AFG2A: variants seen among roughly 807,000 people sequenced by gnomAD.
AFG2A encodes AAA ATPase AFG2A, also known as ATPase family gene 2 protein homolog A.
the AFG2A span, among the ~76,000 whole-genome samples, chr4:123,283,400 G>A: frequency 6.6e-6 from 1 of 151,442 alleles, no homozygotes; most frequent in African/African-American, 2.4e-5. Flanking sequence ...TTTCTTATAG[G>A]GTTAGGGAGA....
chr4:123,317,239 A>AC, the AFG2A span: 2 of 152,036 alleles, frequency 1.3e-5, no homozygotes, highest in South Asian at 4.2e-4. Context: ...AAAAAAAAAA[A>AC]AAAACCTCTG....
chr4:123,142,262 A>G, the AFG2A span, among the ~76,000 whole-genome samples: 1 of 152,188 alleles, frequency 6.6e-6, no homozygotes, highest in Non-Finnish European at 1.5e-5. Flanking sequence ...GAATGTATGT[A>G]TGCATGCATG....
the AFG2A span, among the ~76,000 whole-genome samples, chr4:123,051,640 C>CT: frequency 0.79 from 75,559 of 96,056 alleles, 31,119 homozygotes; most frequent in East Asian, 0.91. Flanking sequence ...ATTTCCTCAG[C>CT]TTTTTTTTTT....
At chr4:123,028,257 A>G in the AFG2A span, 1 of 1,614,160 alleles carries the variant, frequency 6.2e-7, no homozygotes, top group African/African-American at 1.3e-5. Flanking sequence ...AATGGCCCTT[A>G]AAACATCCAG....
chr4:122,991,187 T>C, the AFG2A span, among the ~76,000 whole-genome samples: 19 of 152,208 alleles, frequency 1.2e-4, no homozygotes, highest in Non-Finnish European at 2.8e-4. Context: ...TGTACTCCTA[T>C]GATAAAAGAA....
the AFG2A span, among the ~76,000 whole-genome samples, chr4:123,288,427 G>A: frequency 4.6e-5 from 7 of 152,118 alleles, no homozygotes; most frequent in Admixed American, 4.6e-4. Flanking sequence ...TATTGAAACA[G>A]GAAAGAAAGT....
the AFG2A span, among the ~76,000 whole-genome samples, chr4:123,003,597 G>A: frequency 6.6e-6 from 1 of 152,134 alleles, no homozygotes; most frequent in African/African-American, 2.4e-5. Flanking sequence ...CTGGGTATCA[G>A]CAGCGCTGTC....
the AFG2A span, among the ~76,000 whole-genome samples, chr4:123,251,307 T>C: frequency 1.1e-4 from 17 of 152,278 alleles, no homozygotes; most frequent in East Asian, 3.1e-3. Context: ...AGCAAGTAAA[T>C]CAATCTGGCA....
At chr4:123,309,732 C>T in the AFG2A span, among the ~76,000 whole-genome samples, 1 of 152,250 alleles carries the variant, frequency 6.6e-6, no homozygotes, top group South Asian at 2.1e-4. Context: ...CTCATTGGAG[C>T]ATTTTGGATT....
the AFG2A span, among the ~76,000 whole-genome samples, chr4:123,204,451 T>C: frequency 2.0e-5 from 3 of 152,250 alleles, no homozygotes; most frequent in Non-Finnish European, 4.4e-5. Context: ...ATTTCTCTAA[T>C]GGTTAATGAT....
the AFG2A span, among the ~76,000 whole-genome samples, chr4:122,929,773 G>T: frequency 1.3e-5 from 2 of 151,974 alleles, no homozygotes; most frequent in African/African-American, 4.8e-5. Flanking sequence ...CAATGTGTAT[G>T]TTACACTTGT....
At chr4:123,304,311 T>A in the AFG2A span, among the ~76,000 whole-genome samples, 2 of 152,176 alleles carry the variant, frequency 1.3e-5, no homozygotes, top group East Asian at 1.9e-4. Flanking sequence ...GCCCTCCCCC[T>A]GCATCCACAT....
At chr4:123,308,032 A>C in the AFG2A span, among the ~76,000 whole-genome samples, 1 of 152,212 alleles carries the variant, frequency 6.6e-6, no homozygotes, top group African/African-American at 2.4e-5. Flanking sequence ...ATGTTACTGC[A>C]CTGTTTGTAA....
the AFG2A span, among the ~76,000 whole-genome samples, chr4:123,283,358 A>AGAGAG: frequency 1.3e-5 from 2 of 149,000 alleles, no homozygotes; most frequent in African/African-American, 4.9e-5. Flanking sequence ...GGAAAAAAAA[A>AGAGAG]AGAGAGAGAG....
chr4:122,981,737 G>A, the AFG2A span, among the ~76,000 whole-genome samples: 3 of 151,670 alleles, frequency 2.0e-5, no homozygotes, highest in Admixed American at 6.6e-5. Flanking sequence ...TCACCGTCTT[G>A]GTTAAGTTTT....
At chr4:123,090,862 G>C in the AFG2A span, among the ~76,000 whole-genome samples, 2 of 152,240 alleles carry the variant, frequency 1.3e-5, no homozygotes. Context: ...TTACCATCTT[G>C]TCTGAGTCTG....
At chr4:123,256,162 C>T in the AFG2A span, 16 of 1,613,914 alleles carry the variant, frequency 9.9e-6, no homozygotes, top group African/African-American at 6.7e-5. Context: ...TTCAAACCGA[C>T]GCATACTCAG....
the AFG2A span, among the ~76,000 whole-genome samples, chr4:123,270,457 T>G: frequency 2.0e-5 from 3 of 152,200 alleles, no homozygotes; most frequent in African/African-American, 7.2e-5. Flanking sequence ...GATTAATGTT[T>G]AATATTGATT....
At chr4:123,017,022 T>C in the AFG2A span, among the ~76,000 whole-genome samples, 2 of 152,074 alleles carry the variant, frequency 1.3e-5, no homozygotes, top group African/African-American at 2.4e-5. Context: ...CTCGGCAGGC[T>C]GAGGCAGGAG....
Sources: gnomAD v4.1 joint callset for allele counts (sites outside exome capture counted in the v4.1 genomes callset) on GRCh38, gnomAD v4.1.1 for gene constraint, MANE v1.5 for transcripts, NCBI Gene and HGNC (gene_info 2026-07-23, HGNC 2026-07-21) for gene names.